Variants in ACYP2 observed in about 807,000 individuals in gnomAD.
ACYP2 encodes acylphosphatase-2.
In ACYP2, 12 loss-of-function variants were observed where a neutral mutation model predicts 11.2. That is an observed-to-expected ratio of 1.08 (90% CI 0.69 to 1.74). ACYP2 has a LOEUF of 1.74. Among genes scored for constraint, ACYP2 ranks in the 40% most tolerant of loss-of-function variants. ACYP2 has a pLI of 0.00. For synonymous variants in ACYP2, 43 were observed against 32.2 expected (o/e 1.33, Z -1.13); for missense variants, 134 against 101.9 (o/e 1.31, Z -1.35).
At chr2:54,097,448 C>G (rs937038324) in intron 4 of ACYP2, among the ~76,000 whole-genome samples, 1 of 152,210 alleles carries the variant, frequency 6.6e-6, no homozygotes, top group African/African-American at 2.4e-5. Context: ...CACTGTTCCC[C>G]AAATCCTATC....
At chr2:54,037,343 G>A (rs1032229301) in intron 2 of ACYP2, among the ~76,000 whole-genome samples, 9 of 152,208 alleles carry the variant, frequency 5.9e-5, no homozygotes, top group East Asian at 5.8e-4. Flanking sequence ...TCAAACTCCT[G>A]TTCTCAAGTG....
intron 6 of ACYP2, among the ~76,000 whole-genome samples, chr2:54,148,418 C>T (rs962938693): frequency 1.3e-5 from 2 of 152,104 alleles, no homozygotes; most frequent in African/African-American, 4.8e-5. Context: ...GAAAATTAAG[C>T]GAGAAAATCC....
intron 4 of ACYP2, 95 bp downstream of exon 1, chr2:54,115,851 C>G: frequency 7.3e-7 from 1 of 1,371,404 alleles, no homozygotes; most frequent in East Asian, 3.0e-5. Flanking sequence ...ATGCCTTTTC[C>G]CGTTGTGGCT....
At chr2:54,192,576 C>G (rs1684281501) in intron 6 of ACYP2, among the ~76,000 whole-genome samples, 1 of 152,052 alleles carries the variant, frequency 6.6e-6, no homozygotes, top group South Asian at 2.1e-4. Context: ...AGTCAAAAAA[C>G]TTTGATGCCA....
chr2:54,149,842 A>C (rs187799401), intron 6 of ACYP2, among the ~76,000 whole-genome samples: 1 of 152,330 alleles, frequency 6.6e-6, no homozygotes, highest in Non-Finnish European at 1.5e-5. Context: ...TAATACAAGG[A>C]ATGCTTGAAG....
At chr2:54,203,244 T>A (rs1684929983) in intron 6 of ACYP2, among the ~76,000 whole-genome samples, 1 of 151,916 alleles carries the variant, frequency 6.6e-6, no homozygotes, top group Admixed American at 6.5e-5. Context: ...ATGGAATTAT[T>A]TGCTTAATTT....
intron 2 of ACYP2, among the ~76,000 whole-genome samples, chr2:54,017,252 A>C (rs1673739902): frequency 8.6e-6 from 1 of 116,108 alleles, no homozygotes. Context: ...TTGGCCGTTA[A>C]GTTTCTTTTC....
intron 6 of ACYP2, among the ~76,000 whole-genome samples, chr2:54,219,821 G>GTA (rs143249977): frequency 3.5e-5 from 5 of 142,544 alleles, no homozygotes; most frequent in African/African-American, 1.3e-4. Flanking sequence ...TTGTGTATGT[G>GTA]TGTGTGTATA....
intron 2 of ACYP2, among the ~76,000 whole-genome samples, chr2:54,025,391 C>A (rs539963948): frequency 1.1e-4 from 17 of 152,244 alleles, no homozygotes; most frequent in African/African-American, 4.1e-4. Context: ...GCACATAGAC[C>A]AGCAGAACAG....
intron 4 of ACYP2, among the ~76,000 whole-genome samples, chr2:54,063,437 C>T (rs189812777): frequency 1.1e-4 from 17 of 152,162 alleles, no homozygotes; most frequent in African/African-American, 4.1e-4. Context: ...GCTGTGTGCT[C>T]CAGGAGGCGG....
intron 6 of ACYP2, among the ~76,000 whole-genome samples, chr2:54,270,232 AT>A (rs1163114108): frequency 6.6e-6 from 1 of 151,960 alleles, no homozygotes; most frequent in South Asian, 2.1e-4. Flanking sequence ...TTTTTAAGCT[AT>A]TTTTTTGTGT....
chr2:54,139,002 T>C (rs1681441276), intron 6 of ACYP2, among the ~76,000 whole-genome samples: 1 of 152,210 alleles, frequency 6.6e-6, no homozygotes, highest in African/African-American at 2.4e-5. Context: ...ATAGTATTGA[T>C]GGACCAGATT....
At position 54,266,905 on chromosome 2, in the gene ACYP2, G is replaced by A. The variant is rs548135988; in HGVS notation, c.405-37783G>A. 3.3e-5 allele frequency among the ~76,000 whole-genome samples: 5 copies of A among 152,052 alleles called. No individual in the cohort carries two copies. The South Asian group carries it at 6.2e-4, about 19-fold the overall frequency. Reference sequence around the variant, plus strand: ...ATTACAGGCATGAGCCACCGCACCCGGCCGAGGTGCAGAAATGTTAATTTG... The same window carrying A: ...ATTACAGGCATGAGCCACCGCACCCAGCCGAGGTGCAGAAATGTTAATTTG... On this transcript the variant is annotated intron_variant, in intron 6 of 6. Coordinates refer to ENST00000607452, the MANE Select transcript of ACYP2 (RefSeq NM_001320586.2).
intron 6 of ACYP2, among the ~76,000 whole-genome samples, chr2:54,227,897 C>T (rs765741013): frequency 1.3e-5 from 2 of 152,180 alleles, no homozygotes; most frequent in Non-Finnish European, 2.9e-5. Flanking sequence ...AAGACCAGTA[C>T]TCAAAGCTAA....
intron 4 of ACYP2, among the ~76,000 whole-genome samples, chr2:54,086,685 G>A (rs1257040045): frequency 6.6e-6 from 1 of 152,206 alleles, no homozygotes. Flanking sequence ...GTGTGTGTGT[G>A]TGCACGCGCG....
chr2:54,115,931 A>T (rs1288555972), intron 4 of ACYP2, among the ~76,000 whole-genome samples, 175 bp downstream of exon 1: 2 of 150,312 alleles, frequency 1.3e-5, no homozygotes, highest in Non-Finnish European at 1.5e-5. Context: ...GCGCCCGAGG[A>T]CTTGGACGGG....
In ACYP2 at chr2:54,149,032, C is replaced by G. The variant is rs887369490; in HGVS notation, c.404+10284C>G. 3.3e-5 allele frequency among the ~76,000 whole-genome samples: 5 copies of G among 152,158 alleles called. No homozygotes were observed. The South Asian group carries it at 8.3e-4, about 25-fold the overall frequency. On this transcript the variant is annotated intron_variant, in intron 6 of 6. Coordinates refer to ENST00000607452, the MANE Select transcript of ACYP2 (RefSeq NM_001320586.2). ...TTTGAGGGGTGAGGTGGGTGGATTG[C>G]TTGAGCTCAAGAATTCGTGACCAGC...
intron 4 of ACYP2, among the ~76,000 whole-genome samples, chr2:54,072,104 C>G (rs912461790): frequency 6.6e-6 from 1 of 152,026 alleles, no homozygotes; most frequent in Non-Finnish European, 1.5e-5. Context: ...AATTAAAATA[C>G]TTAGGAGTGA....
intron 2 of ACYP2, among the ~76,000 whole-genome samples, chr2:53,999,423 C>T (rs891457851): frequency 2.6e-5 from 4 of 152,098 alleles, no homozygotes; most frequent in Admixed American, 2.0e-4. Flanking sequence ...TCTTAGAGGG[C>T]CCATCTGAGG....
Sources: gnomAD v4.1 joint callset for allele counts (sites outside exome capture counted in the v4.1 genomes callset) on GRCh38, gnomAD v4.1.1 for gene constraint, MANE v1.5 for transcripts, NCBI Gene and HGNC (gene_info 2026-07-23, HGNC 2026-07-21) for gene names.